Variants in RXFP2 observed in about 807,000 individuals in gnomAD.
RXFP2 encodes the protein relaxin family peptide receptor 2.
In RXFP2, 68 loss-of-function variants were observed where a neutral mutation model predicts 88.6. That is an observed-to-expected ratio of 0.77 (90% CI 0.63 to 0.94). The LOEUF is 0.94. Ranked by LOEUF, RXFP2 falls within the 40% of genes least tolerant of loss-of-function variation. The pLI is 0.00. For missense variants in RXFP2, 791 were observed against 893.9 expected, an observed-to-expected ratio of 0.88 and a Z score of 1.47; for synonymous variants, 329 against 306.8, an observed-to-expected ratio of 1.07 and a Z score of -0.76.
intron 5 of RXFP2, among the ~76,000 whole-genome samples, chr13:31,768,116 C>T (rs946935579): frequency 6.6e-6 from 1 of 152,124 alleles, no homozygotes; most frequent in South Asian, 2.1e-4. Flanking sequence ...AGAGACTAAC[C>T]TTTATTGCCA....
At chr13:31,748,185 G>T (rs966729598) in intron 1 of RXFP2, among the ~76,000 whole-genome samples, 1 of 152,202 alleles carries the variant, frequency 6.6e-6, no homozygotes, top group African/African-American at 2.4e-5. Flanking sequence ...TAATTCTGCT[G>T]TGAACATTCT....
At chr13:31,775,129 C>T (rs1872887852) in intron 6 of RXFP2, among the ~76,000 whole-genome samples, 189 bp from the exon 7 acceptor site, 2 of 152,206 alleles carry the variant, frequency 1.3e-5, no homozygotes, top group South Asian at 2.1e-4. Context: ...TGGTGTTGCA[C>T]ACACTGGGCT....
intron 1 of RXFP2, among the ~76,000 whole-genome samples, chr13:31,744,957 T>A (rs939245313): frequency 9.9e-5 from 15 of 151,998 alleles, no homozygotes; most frequent in African/African-American, 3.4e-4. Context: ...TCGCCTGAGG[T>A]CAGAAGTTTG....
chr13:31,777,320 G>T, intron 7 of RXFP2, 56 bp from the exon 8 acceptor site: 1 of 1,333,054 alleles, frequency 7.5e-7, no homozygotes, highest in Non-Finnish European at 1.1e-6. Context: ...GGGGAGGCAG[G>T]TTTTATTTCA....
At position 31,740,848 on chromosome 13, in the gene RXFP2, G is replaced by T. The variant is rs537164321; in HGVS notation, c.94+1142G>T. Among the ~76,000 whole-genome samples the T allele has an allele frequency of 1.1e-4, 17 of 152,108 alleles. No homozygotes were observed. In the South Asian group the frequency reaches 3.1e-3, roughly 28 times the overall value. ...AACAATATATGAACTCACCTTGCATGCAGTACAGTTGCAACAAGCAGTCTA... is the reference window on the plus strand; with the variant it reads ...AACAATATATGAACTCACCTTGCATTCAGTACAGTTGCAACAAGCAGTCTA... On this transcript the variant is annotated intron_variant, in intron 1 of 17. Coordinates refer to ENST00000298386, the MANE Select transcript of RXFP2 (RefSeq NM_130806.5).
At chr13:31,746,065 A>G (rs2138383342) in intron 1 of RXFP2, among the ~76,000 whole-genome samples, 1 of 152,326 alleles carries the variant, frequency 6.6e-6, no homozygotes, top group African/African-American at 2.4e-5. Flanking sequence ...CATCCACAAT[A>G]CTTACATAAT....
intron 17 of RXFP2, 72 bp from the exon 18 acceptor site, chr13:31,802,074 G>A (rs1874371065): frequency 1.4e-6 from 2 of 1,472,318 alleles, no homozygotes; most frequent in Non-Finnish European, 1.9e-6. Context: ...AGCATTGACT[G>A]CAAAGTGTTA....
rs2138415751 is a variant in RXFP2 at position 31,764,983 on chromosome 13, T to C, written c.320-54T>C. 4 of 958,916 alleles carry C rather than the reference T, an allele frequency of 4.2e-6. No homozygotes were observed. The Middle Eastern group carries it at 1.0e-3, about 241-fold the overall frequency. The allele number at this position is 958,916 out of a possible 1,614,324, so 59.4% of individuals were successfully genotyped here. A position where few individuals can be genotyped will look rare whatever the true frequency, so the allele number is the denominator to read the frequency against. On this transcript the variant is annotated intron_variant, in intron 3 of 17. Coordinates refer to ENST00000298386, the MANE Select transcript of RXFP2 (RefSeq NM_130806.5). ...ACAATATCAGTTATTAAAGGCAAAG[T>C]CATAATTAATGTATTTGTTTACTAG...
At chr13:31,777,963 A>C (rs540243315) in intron 8 of RXFP2, among the ~76,000 whole-genome samples, 10 of 152,276 alleles carry the variant, frequency 6.6e-5, no homozygotes, top group African/African-American at 2.4e-4. Context: ...ATTCCTTTAC[A>C]ACTGATCATA....
At chr13:31,782,128 G>GA (rs368068915) in intron 10 of RXFP2, among the ~76,000 whole-genome samples, 23 of 149,280 alleles carry the variant, frequency 1.5e-4, no homozygotes, top group African/African-American at 2.2e-4. Context: ...TCTCCCTAAA[G>GA]AAAAAAAAAA....
intron 1 of RXFP2, among the ~76,000 whole-genome samples, chr13:31,750,217 T>C (rs1871605604): frequency 6.6e-6 from 1 of 152,140 alleles, no homozygotes; most frequent in Admixed American, 6.5e-5. Flanking sequence ...AAAACACTGG[T>C]CCTGACTATT....
intron 1 of RXFP2, among the ~76,000 whole-genome samples, chr13:31,740,944 T>C (rs1871206080): frequency 6.6e-6 from 1 of 152,018 alleles, no homozygotes; most frequent in African/African-American, 2.4e-5. Context: ...TTTATACAAT[T>C]TTAAGAATAT....
intron 16 of RXFP2, 69 bp downstream of exon 16, chr13:31,793,157 G>A: frequency 1.5e-6 from 2 of 1,378,450 alleles, no homozygotes. Flanking sequence ...TTCAGCAAAG[G>A]TGGATTTGTT....
At chr13:31,761,202 C>A (rs1872285421) in intron 2 of RXFP2, among the ~76,000 whole-genome samples, 1 of 152,160 alleles carries the variant, frequency 6.6e-6, no homozygotes, top group Non-Finnish European at 1.5e-5. Flanking sequence ...GATCCTCCCA[C>A]CTCAGCCTCC....
At chr13:31,746,179 C>A (rs1233382383) in intron 1 of RXFP2, among the ~76,000 whole-genome samples, 1 of 152,198 alleles carries the variant, frequency 6.6e-6, no homozygotes, top group East Asian at 1.9e-4. Flanking sequence ...GGGCTCTGCA[C>A]ATTTAGGAAG....
rs1191883189 is a variant in RXFP2 at position 31,803,347 on chromosome 13, T to C, written c.*942T>C. 1 of 152,198 alleles carries C rather than the reference T, an allele frequency of 6.6e-6. No individual in the cohort carries two copies. The highest frequency in any genetic ancestry group is 1.9e-4 in the East Asian group (1 of 5,202). 9.4% of individuals were successfully genotyped at this position (152,198 alleles called of 1,614,324 possible). A position where few individuals can be genotyped will look rare whatever the true frequency, so the allele number is the denominator to read the frequency against. On this transcript the variant is annotated 3_prime_UTR_variant, in exon 18 of 18. Transcript: ENST00000298386. ...TTGAAAACGAAACTGAAAAAAATTA[T>C]ATGTGAAAATGAGAACTGGGTAAAT...
In RXFP2 at chr13:31,782,744, A is replaced by G; in HGVS notation, c.926A>G (p.Glu309Gly). 1 of 1,569,602 alleles carries G rather than the reference A, an allele frequency of 6.4e-7. No individual in the cohort carries two copies. ...KTFSSLKNLG[E>G]LDLSSNTITE... ...TTTTCTTCATTAAAAAATTTAGGAG[A>G]ACTGTAAGTAGCATCGTCTACTAGG... The change falls in exon 11 of 18, where the codon GAA (glutamate) becomes GGA (glycine). Residue 309 changes from glutamate to glycine, a missense_variant. Physicochemically the swap from Glu to Gly is moderately conservative, Grantham distance 98. Transcript: ENST00000298386.
Position 31,789,259 on chromosome 13 carries a change from G to A in RXFP2, c.1145+66G>A, listed in dbSNP as rs898147678. 5 of 998,964 alleles carry A rather than the reference G, an allele frequency of 5.0e-6. No homozygotes were observed. In the Admixed American group the frequency reaches 8.5e-5, roughly 17 times the overall value. The allele number at this position is 998,964 out of a possible 1,614,324, so 61.9% of individuals were successfully genotyped here. On this transcript the variant is annotated intron_variant, in intron 14 of 17. Transcript: ENST00000298386. ...TGCTTCAAATTATCTCCTGTAAACT[G>A]TCTAATGTATCACTGCAATGTGTTT...
At chr13:31,775,994 G>A (rs896633835) in intron 7 of RXFP2, among the ~76,000 whole-genome samples, 1 of 152,198 alleles carries the variant, frequency 6.6e-6, no homozygotes, top group Non-Finnish European at 1.5e-5. Context: ...AAGCCCTTCT[G>A]TGTGCCTGGC....
Sources: allele counts gnomAD v4.1 joint callset (sites outside exome capture counted in the v4.1 genomes callset), GRCh38; gene constraint gnomAD v4.1.1; transcripts MANE v1.5; gene names NCBI Gene and HGNC (gene_info 2026-07-23, HGNC 2026-07-21).